Variants in GRID2 observed in about 807,000 individuals in gnomAD.
GRID2 encodes glutamate ionotropic receptor delta type subunit 2.
GRID2 carries 33 observed loss-of-function variants against 114.8 expected under a neutral mutation model. The observed-to-expected ratio is 0.29, with a 90% CI of 0.22 to 0.38. The LOEUF (loss-of-function observed/expected upper bound fraction) is 0.38, where lower values mean the gene tolerates loss of function less well. Among genes scored for constraint, GRID2 ranks in the 10% least tolerant of loss-of-function variants. GRID2 has a pLI of 1.00. For missense variants in GRID2, 1,184 were observed against 1,257.7 expected (o/e 0.94, Z 0.89); for synonymous variants, 505 against 449.9 (o/e 1.12, Z -1.55).
intron 14 of GRID2, among the ~76,000 whole-genome samples, chr4:93,649,758 T>A (rs1240538026): frequency 1.3e-5 from 2 of 151,838 alleles, no homozygotes. Flanking sequence ...CCTGACAGAG[T>A]TAGAGTTACA....
At chr4:92,434,017 C>T (rs748467826) in intron 1 of GRID2, among the ~76,000 whole-genome samples, 2 of 152,174 alleles carry the variant, frequency 1.3e-5, no homozygotes, top group African/African-American at 4.8e-5. Context: ...TTTCTATAAA[C>T]CCACGTCAAA....
At chr4:92,886,731 T>G (rs886786693) in intron 2 of GRID2, among the ~76,000 whole-genome samples, 5 of 152,110 alleles carry the variant, frequency 3.3e-5, no homozygotes, top group Non-Finnish European at 4.4e-5. Context: ...GTTCATGCCA[T>G]TCTCCTGCCT....
chr4:92,666,653 T>TG (rs1560520711), intron 2 of GRID2, among the ~76,000 whole-genome samples: 4 of 134,904 alleles, frequency 3.0e-5, no homozygotes, highest in African/African-American at 1.2e-4. Context: ...AAGGGTTGTT[T>TG]TTTTTTTTTT....
chr4:92,701,260 C>A (rs905442869), intron 2 of GRID2, among the ~76,000 whole-genome samples: 1 of 152,058 alleles, frequency 6.6e-6, no homozygotes, highest in African/African-American at 2.4e-5. Context: ...TTTTTTAGCC[C>A]TTAAATCGTT....
At chr4:93,543,620 G>A (rs1732874090) in intron 13 of GRID2, among the ~76,000 whole-genome samples, 1 of 152,078 alleles carries the variant, frequency 6.6e-6, no homozygotes, top group African/African-American at 2.4e-5. Flanking sequence ...TAACTTCAAT[G>A]TGTGAGAATA....
intron 8 of GRID2, among the ~76,000 whole-genome samples, chr4:93,330,173 A>G (rs1390634099): frequency 6.6e-6 from 1 of 152,178 alleles, no homozygotes; most frequent in Non-Finnish European, 1.5e-5. Flanking sequence ...GCTCCTTTAT[A>G]TTCAGGCTTG....
intron 1 of GRID2, among the ~76,000 whole-genome samples, chr4:92,399,561 CT>C (rs1730677346): frequency 6.6e-6 from 1 of 151,370 alleles, no homozygotes; most frequent in South Asian, 2.1e-4. Context: ...AGTTTTGAAG[CT>C]TTATAAAGAT....
chr4:93,663,198 G>T (rs954190436), intron 14 of GRID2, among the ~76,000 whole-genome samples: 2 of 152,144 alleles, frequency 1.3e-5, no homozygotes, highest in East Asian at 1.9e-4. Context: ...TGCAAACAAG[G>T]CCATATCATC....
intron 1 of GRID2, among the ~76,000 whole-genome samples, chr4:92,342,007 C>CAATTTAAATA (rs1727517694): frequency 6.6e-6 from 1 of 151,230 alleles, no homozygotes. Context: ...TGAGGAATAA[C>CAATTTAAATA]AAACTTATTT....
chr4:92,920,323 A>C (rs968104686), intron 2 of GRID2, among the ~76,000 whole-genome samples: 2 of 152,182 alleles, frequency 1.3e-5, no homozygotes, highest in African/African-American at 4.8e-5. Context: ...TGTGTGTTTT[A>C]ATTGGAGCAT....
At chr4:93,204,782 G>A (rs990100368) in intron 4 of GRID2, among the ~76,000 whole-genome samples, 22 of 152,120 alleles carry the variant, frequency 1.4e-4, no homozygotes, top group Non-Finnish European at 2.5e-4. Flanking sequence ...TTCTCATTTA[G>A]TAATTTCTAC....
chr4:92,709,481 A>G (rs1388107218), intron 2 of GRID2, among the ~76,000 whole-genome samples: 2 of 150,792 alleles, frequency 1.3e-5, no homozygotes, highest in African/African-American at 4.9e-5. Context: ...TACAAAGTGG[A>G]GAGTTAAGAG....
chr4:93,608,726 G>C (rs1436773389), intron 13 of GRID2, among the ~76,000 whole-genome samples: 1 of 136,134 alleles, frequency 7.3e-6, no homozygotes, highest in Non-Finnish European at 1.6e-5. Context: ...GGACATTTGG[G>C]TTGGTTCCAA....
chr4:92,491,304 T>A (rs1042753630), intron 1 of GRID2, among the ~76,000 whole-genome samples: 4 of 152,156 alleles, frequency 2.6e-5, no homozygotes, highest in African/African-American at 9.6e-5. Context: ...TTAGATAATA[T>A]CAGCTATGCT....
chr4:93,599,138 G>A (rs935692779), intron 13 of GRID2, among the ~76,000 whole-genome samples: 2 of 152,142 alleles, frequency 1.3e-5, no homozygotes, highest in Non-Finnish European at 2.9e-5. Context: ...GTCTGACACC[G>A]AATAGAGTGC....
intron 2 of GRID2, among the ~76,000 whole-genome samples, chr4:92,732,971 T>C (rs1033478280): frequency 4.6e-5 from 7 of 152,122 alleles, no homozygotes; most frequent in African/African-American, 1.4e-4. Context: ...TAAGAAACTT[T>C]ATGATTAATT....
At chr4:93,370,186 C>T (rs745809098) in intron 8 of GRID2, among the ~76,000 whole-genome samples, 1 of 151,894 alleles carries the variant, frequency 6.6e-6, no homozygotes, top group Non-Finnish European at 1.5e-5. Context: ...AGTAGATACA[C>T]ATATTTTCAA....
At chr4:93,036,965 G>A (rs1328921748) in intron 2 of GRID2, among the ~76,000 whole-genome samples, 1 of 152,094 alleles carries the variant, frequency 6.6e-6, no homozygotes, top group Non-Finnish European at 1.5e-5. Context: ...CGTTAGGAAA[G>A]GTACAAAGCA....
intron 2 of GRID2, among the ~76,000 whole-genome samples, chr4:92,898,130 T>G (rs1747303931): frequency 6.6e-6 from 1 of 152,206 alleles, no homozygotes; most frequent in East Asian, 1.9e-4. Flanking sequence ...TCACTGATCA[T>G]TTTGTTGAAA....
Sources: allele counts gnomAD v4.1 joint callset (sites outside exome capture counted in the v4.1 genomes callset), GRCh38; gene constraint gnomAD v4.1.1; transcripts MANE v1.5; gene names NCBI Gene and HGNC (gene_info 2026-07-23, HGNC 2026-07-21).